Variants in OR2B3 observed in about 807,000 individuals in gnomAD.
OR2B3 encodes the protein olfactory receptor family 2 subfamily B member 3.
For missense variants in OR2B3, 341 were observed against 374.8 expected (o/e 0.91, Z 0.74); for synonymous variants, 123 against 133.8 (o/e 0.92, Z 0.56).
In OR2B3 at chr6:29,086,860, A is replaced by G; in HGVS notation, c.389T>C (p.Leu130Pro). 4 of 1,614,174 alleles carry G rather than the reference A, an allele frequency of 2.5e-6. No homozygotes were observed. Among genetic ancestry groups the G allele is most frequent in the Non-Finnish European group, 3.4e-6 (4 of 1,180,010 alleles). The change falls in exon 1 of 1, where the codon CTC becomes CCC. Residue 130 changes from leucine (L) to proline (P), a missense_variant. By Grantham distance (98) the Leu-to-Pro change is moderately conservative. Transcript: ENST00000377173. ...ATAATTCATGATGACTACATAGTGG[A>G]GGGGTCTGCAAACAGCCACATATCT... Reference protein sequence around the residue: ...FDRYVAVCRPLHYVVIMNYWF... With the variant: ...FDRYVAVCRPPHYVVIMNYWF...
Position 29,087,172 on chromosome 6 carries a change from G to T in OR2B3, c.77C>A (p.Pro26His). Residue 26 changes from proline (P) to histidine (H), a missense_variant, in exon 1 of 1, where the codon CCC becomes CAC. Transcript: ENST00000377173. ...GFSDRAWLQM[P>H]LFVVLLISYT... The stretch of plus-strand genomic sequence containing the variant: ...TGATATTAACAGGACCACAAAAAGG[G>T]GCATTTGTAGCCAAGCCCTATCTGA... 6.2e-7 allele frequency: 1 copy of T among 1,614,062 alleles called. No individual in the cohort carries two copies. Among genetic ancestry groups the T allele is most frequent in the Middle Eastern group, 1.6e-4 (1 of 6,062 alleles).
In OR2B3 at chr6:29,086,310, T is replaced by C; in HGVS notation, c.939A>G (p.Lys313=). The change falls in exon 1 of 1, where the codon AAA becomes AAG. Residue 313 remains lysine (K), a synonymous_variant. Coordinates refer to ENST00000377173, the MANE Select transcript of OR2B3 (RefSeq NM_001005226.2). ...TCTCATCACAATGGAGTACTTCTTA[T>C]TTCTTACAGAAAAAGATTCTTGGCA... ...RLMPRIFFCK[K] is the part of the protein sequence containing the mutation. 1 of 1,562,646 alleles carries C rather than the reference T, an allele frequency of 6.4e-7. No homozygotes were observed. The highest frequency in any genetic ancestry group is 8.7e-7 in the Non-Finnish European group (1 of 1,150,948).
Position 29,086,857 on chromosome 6 carries a change from T to C in OR2B3, c.392A>G (p.His131Arg). The C allele has an allele frequency of 6.2e-7, 1 of 1,614,054 alleles. No individual in the cohort carries two copies. Among genetic ancestry groups the C allele is most frequent in the Non-Finnish European group, 8.5e-7 (1 of 1,179,994 alleles). The change falls in exon 1 of 1, where the codon CAC (histidine) becomes CGC (arginine). Residue 131 changes from histidine (H) to arginine (R), a missense_variant. Transcript: ENST00000377173. ...CCAATAATTCATGATGACTACATAG[T>C]GGAGGGGTCTGCAAACAGCCACATA... ...DRYVAVCRPL[H>R]YVVIMNYWFC...
rs757743785 is a variant in OR2B3 at position 29,087,271 on chromosome 6, C to G, written c.-23G>C. 4 of 1,495,974 alleles carry G rather than the reference C, an allele frequency of 2.7e-6. No individual in the cohort carries two copies. The highest frequency in any genetic ancestry group is 3.7e-6 in the Non-Finnish European group (4 of 1,095,386). The allele number at this position is 1,495,974 out of a possible 1,614,324, so 92.7% of individuals were successfully genotyped here. On this transcript the variant is annotated 5_prime_UTR_variant, in exon 1 of 1. Transcript: ENST00000377173. The stretch of plus-strand genomic sequence containing the variant: ...CATGATGACTCACTTATTTCGCACT[C>G]CTAAAAAAATGTAAGATAGGAAAGC...
Position 29,086,937 on chromosome 6 carries a change from G to A in OR2B3, c.312C>T (p.Phe104=), listed in dbSNP as rs201650828. The A allele has an allele frequency of 1.9e-6, 3 of 1,614,110 alleles. No homozygotes were observed. Among genetic ancestry groups the A allele is most frequent in the Non-Finnish European group, 2.5e-6 (3 of 1,180,044 alleles). Residue 104 remains phenylalanine, a synonymous_variant, in exon 1 of 1, where the codon TTC becomes TTT. Transcript: ENST00000377173. The part of the protein sequence containing the change: ...YAGCVAHLII[F]LALGATECLL... ...GACACTCTGTAGCACCTAGGGCCAG[G>A]AAGATGATGAGGTGGGCCACACAGC...
Position 29,087,251 on chromosome 6 carries a change from T to C in OR2B3, c.-3A>G. 6.3e-7 allele frequency: 1 copy of C among 1,587,424 alleles called. No individual in the cohort carries two copies. ...GAGCTCTCATTTTCCCAATTCATGATGACTCACTTATTTCGCACTCCTAAA... is the reference window on the plus strand; with the variant it reads ...GAGCTCTCATTTTCCCAATTCATGACGACTCACTTATTTCGCACTCCTAAA... On this transcript the variant is annotated 5_prime_UTR_variant, in exon 1 of 1. Transcript: ENST00000377173.
chr6:29,086,866 C>T lies in OR2B3; in HGVS notation c.383G>A (p.Arg128Lys). 1 of 1,614,156 alleles carries T rather than the reference C, an allele frequency of 6.2e-7. No homozygotes were observed. Among genetic ancestry groups the T allele is most frequent in the South Asian group, 1.1e-5 (1 of 91,086 alleles). The change falls in exon 1 of 1, where the codon AGA becomes AAA. Residue 128 changes from arginine (R) to lysine (K), a missense_variant. Coordinates refer to ENST00000377173, the MANE Select transcript of OR2B3 (RefSeq NM_001005226.2). ...MSFDRYVAVC[R>K]PLHYVVIMNY... ...CATGATGACTACATAGTGGAGGGGT[C>T]TGCAAACAGCCACATATCTGTCAAA... is the stretch of plus-strand genomic sequence containing the variant.
In OR2B3 at chr6:29,086,989, C is replaced by T. The variant is rs867830959; in HGVS notation, c.260G>A (p.Cys87Tyr). 1 of 1,614,204 alleles carries T rather than the reference C, an allele frequency of 6.2e-7. No homozygotes were observed. The highest frequency in any genetic ancestry group is 2.2e-5 in the East Asian group (1 of 44,890). Residue 87 changes from cysteine to tyrosine, a missense_variant, in exon 1 of 1, where the codon TGC becomes TAC. Coordinates refer to ENST00000377173, the MANE Select transcript of OR2B3 (RefSeq NM_001005226.2). ...AGCATAGCTGATGGTCTTTTTGTTG[C>T]AACCAATATTTACCAACATATGAGG... ...TVPHMLVNIG[C>Y]NKKTISYAGC...
In OR2B3 at chr6:29,086,470, A is replaced by G. The variant is rs762923030; in HGVS notation, c.779T>C (p.Leu260Pro). The part of the protein sequence containing the change: ...LFYGTAIYMY[L>P]QPPSSTSKDW... Reference sequence around the variant, plus strand: ...CTTAGAGGTGGATGAAGGTGGTTGAAGATACATATAAATGGCTGTTCCATA... The same window carrying G: ...CTTAGAGGTGGATGAAGGTGGTTGAGGATACATATAAATGGCTGTTCCATA... Residue 260 changes from leucine to proline, a missense_variant, in exon 1 of 1, where the codon CTT (leucine) becomes CCT (proline). Coordinates refer to ENST00000377173, the MANE Select transcript of OR2B3 (RefSeq NM_001005226.2). 1.9e-6 allele frequency: 3 copies of G among 1,614,022 alleles called. No homozygotes were observed. Among genetic ancestry groups the G allele is most frequent in the Non-Finnish European group, 2.5e-6 (3 of 1,180,016 alleles).
In OR2B3 at chr6:29,086,589, G is replaced by A; in HGVS notation, c.660C>T (p.Phe220=). Residue 220 remains phenylalanine, a synonymous_variant, in exon 1 of 1, where the codon TTC becomes TTT. Transcript: ENST00000377173. ...PVTLILISYG[F]IAQAVLKIRS... is the part of the protein sequence containing the mutation. ...TGATTTTTAATACTGCTTGAGCTAT[G>A]AAGCCATAGGAGATGAGGATCAATG... The A allele has an allele frequency of 6.2e-7, 1 of 1,614,108 alleles. No homozygotes were observed. The highest frequency in any genetic ancestry group is 8.5e-7 in the Non-Finnish European group (1 of 1,180,008).
Position 29,086,873 on chromosome 6 carries a change from C to T in OR2B3, c.376G>A (p.Val126Ile), listed in dbSNP as rs769226389. The T allele has an allele frequency of 1.2e-6, 2 of 1,614,058 alleles. No homozygotes were observed. The highest frequency in any genetic ancestry group is 2.7e-5 in the African/African-American group (2 of 74,928). ...ACTACATAGTGGAGGGGTCTGCAAA[C>T]AGCCACATATCTGTCAAAGGACATA... ...AVMSFDRYVA[V>I]CRPLHYVVIM... The change falls in exon 1 of 1, where the codon GTT (valine) becomes ATT (isoleucine). Residue 126 changes from valine to isoleucine, a missense_variant. Coordinates refer to ENST00000377173, the MANE Select transcript of OR2B3 (RefSeq NM_001005226.2).
In OR2B3 at chr6:29,086,280, A is replaced by T; in HGVS notation, c.*27T>A. ...TCATTGAAGATAAGGAAAGACTAAG[A>T]AGATTCTCATCACAATGGAGTACTT... On this transcript the variant is annotated 3_prime_UTR_variant, in exon 1 of 1. Coordinates refer to ENST00000377173, the MANE Select transcript of OR2B3 (RefSeq NM_001005226.2). 7.5e-7 allele frequency: 1 copy of T among 1,328,692 alleles called. No homozygotes were observed. The highest frequency in any genetic ancestry group is 2.2e-5 in the Admixed American group (1 of 46,056). 82.3% of individuals were successfully genotyped at this position (1,328,692 alleles called of 1,614,324 possible). A position where few individuals can be genotyped will look rare whatever the true frequency, so the allele number is the denominator to read the frequency against.
At position 29,086,934 on chromosome 6, in the gene OR2B3, C is replaced by G; in HGVS notation, c.315G>C (p.Leu105=). 6.2e-7 allele frequency: 1 copy of G among 1,614,148 alleles called. No homozygotes were observed. The highest frequency in any genetic ancestry group is 1.7e-5 in the Admixed American group (1 of 60,016). ...GGAGACACTCTGTAGCACCTAGGGC[C>G]AGGAAGATGATGAGGTGGGCCACAC... ...AGCVAHLIIF[L]ALGATECLLL... is the part of the protein sequence containing the mutation. Residue 105 remains leucine (L), a synonymous_variant, in exon 1 of 1, where the codon CTG becomes CTC. Coordinates refer to ENST00000377173, the MANE Select transcript of OR2B3 (RefSeq NM_001005226.2).
In OR2B3 at chr6:29,086,948, G is replaced by A; in HGVS notation, c.301C>T (p.Leu101Phe). ...GCACCTAGGGCCAGGAAGATGATGA[G>A]GTGGGCCACACAGCCAGCATAGCTG... ...TISYAGCVAH[L>F]IIFLALGATE... Residue 101 changes from leucine (L) to phenylalanine (F), a missense_variant, in exon 1 of 1, where the codon CTC (leucine) becomes TTC (phenylalanine). Coordinates refer to ENST00000377173, the MANE Select transcript of OR2B3 (RefSeq NM_001005226.2). 1 of 1,614,226 alleles carries A rather than the reference G, an allele frequency of 6.2e-7. No homozygotes were observed. The highest frequency in any genetic ancestry group is 1.1e-5 in the South Asian group (1 of 91,086).
rs1562511409 is a variant in OR2B3 at position 29,087,284 on chromosome 6, A to G, written c.-36T>C. ...TTATTTCGCACTCCTAAAAAAATGT[A>G]AGATAGGAAAGCAATCAATGTTTGT... On this transcript the variant is annotated 5_prime_UTR_variant, in exon 1 of 1. Coordinates refer to ENST00000377173, the MANE Select transcript of OR2B3 (RefSeq NM_001005226.2). The G allele has an allele frequency of 7.4e-7, 1 of 1,348,828 alleles. No homozygotes were observed. The highest frequency in any genetic ancestry group is 2.3e-5 in the East Asian group (1 of 43,210). The allele number at this position is 1,348,828 out of a possible 1,614,324, so 83.6% of individuals were successfully genotyped here. A position where few individuals can be genotyped will look rare whatever the true frequency, so the allele number is the denominator to read the frequency against.
rs80292101 is a variant in OR2B3 at position 29,087,302 on chromosome 6, A to G, written c.-54T>C. Reference sequence around the variant, plus strand: ...AAAATGTAAGATAGGAAAGCAATCAATGTTTGTTTATTGAATACTCTTACT... The same window carrying G: ...AAAATGTAAGATAGGAAAGCAATCAGTGTTTGTTTATTGAATACTCTTACT... On this transcript the variant is annotated 5_prime_UTR_variant, in exon 1 of 1. Transcript: ENST00000377173. The G allele has an allele frequency of 9.5e-3, 10,935 of 1,153,298 alleles. 167 individuals carry two copies. Among genetic ancestry groups the G allele is most frequent in the African/African-American group, 0.059 (3,811 of 64,578 alleles). 71.4% of individuals were successfully genotyped at this position (1,153,298 alleles called of 1,614,324 possible). A position where few individuals can be genotyped will look rare whatever the true frequency, so the allele number is the denominator to read the frequency against.
At position 29,086,579 on chromosome 6, in the gene OR2B3, C is replaced by T. The variant is rs145572294; in HGVS notation, c.670G>A (p.Ala224Thr). The stretch of plus-strand genomic sequence containing the variant: ...TCTGCTGACCTGATTTTTAATACTG[C>T]TTGAGCTATGAAGCCATAGGAGATG... ...ILISYGFIAQ[A>T]VLKIRSAEGR... The change falls in exon 1 of 1, where the codon GCA (alanine) becomes ACA (threonine). Residue 224 changes from alanine (A) to threonine (T), a missense_variant. By Grantham distance (58) the Ala-to-Thr change is moderately conservative. Transcript: ENST00000377173. 210 of 1,613,996 alleles carry T rather than the reference C, an allele frequency of 1.3e-4. No homozygotes were observed. Among genetic ancestry groups the T allele is most frequent in the Non-Finnish European group, 1.8e-4 (207 of 1,180,012 alleles).
Position 29,086,668 on chromosome 6 carries a change from G to A in OR2B3, c.581C>T (p.Pro194Leu), listed in dbSNP as rs1760615976. The change falls in exon 1 of 1, where the codon CCT (proline) becomes CTT (leucine). Residue 194 changes from proline to leucine, a missense_variant. Physicochemically the swap from Pro to Leu is moderately conservative, Grantham distance 98. Transcript: ENST00000377173. Reference protein sequence around the residue: ...LLKLSCADTKPIEAELFFFSV... With the variant: ...LLKLSCADTKLIEAELFFFSV... ...AAAGAAGAAGAGCTCAGCCTCAATA[G>A]GCTTTGTGTCAGCACATGACAACTT... 6.2e-7 allele frequency: 1 copy of A among 1,614,118 alleles called. No individual in the cohort carries two copies. Among genetic ancestry groups the A allele is most frequent in the Non-Finnish European group, 8.5e-7 (1 of 1,180,008 alleles).
In OR2B3 at chr6:29,086,787, G is replaced by A. The variant is rs1760627136; in HGVS notation, c.462C>T (p.Gly154=). The stretch of plus-strand genomic sequence containing the variant: ...TCAAGGAAGACTGCAGCACTGAGTT[G>A]CCGAAACCAATGAGCCATGAGAAGG... ...MAAFSWLIGF[G]NSVLQSSLTL... is the part of the protein sequence containing the mutation. Residue 154 remains glycine (G), a synonymous_variant, in exon 1 of 1, where the codon GGC becomes GGT. Transcript: ENST00000377173. 6.2e-7 allele frequency: 1 copy of A among 1,614,000 alleles called. No homozygotes were observed. The highest frequency in any genetic ancestry group is 1.3e-5 in the African/African-American group (1 of 74,908).
Sources: allele counts gnomAD v4.1 joint callset, GRCh38; gene constraint gnomAD v4.1.1; transcripts MANE v1.5; gene names NCBI Gene and HGNC (gene_info 2026-07-23, HGNC 2026-07-21).